The following SLC44A4 variants were observed in gnomAD, a reference collection of about 807,000 sequenced individuals.
SLC44A4 encodes solute carrier family 44 member 4, also known as choline transporter-like protein 4.
Under a neutral mutation model 97.0 loss-of-function variants are expected in SLC44A4, and 74 were observed. The observed-to-expected ratio is 0.76, with a 90% CI of 0.63 to 0.93. The LOEUF (loss-of-function observed/expected upper bound fraction) is 0.93, where lower values mean the gene tolerates loss of function less well. Among genes scored for constraint, SLC44A4 ranks in the 40% least tolerant of loss-of-function variants. The pLI, the probability that SLC44A4 is intolerant of heterozygous loss-of-function variation, is 0.00. For synonymous variants in SLC44A4, 325 were observed against 363.8 expected, an observed-to-expected ratio of 0.89 and a Z score of 1.21; for missense variants, 799 against 902.9, an observed-to-expected ratio of 0.88 and a Z score of 1.48.
In SLC44A4 at chr6:31,875,019, C is replaced by T. The variant is rs768859200; in HGVS notation, c.252G>A (p.Pro84=). 3.6e-5 allele frequency: 58 copies of T among 1,611,254 alleles called. No homozygotes were observed. Among genetic ancestry groups the T allele is most frequent in the Admixed American group, 2.2e-4 (13 of 59,984 alleles). The part of the protein sequence containing the change: ...YCGMGENKDK[P]YLLYFNIFSC... ...TGAAGATGTTGAAGTACAGGAGATA[C>T]GGCTTATCTCTGTGGGAGGGGAGGG... Residue 84 remains proline (P), a synonymous_variant, in exon 5 of 21, where the codon CCG becomes CCA. Coordinates refer to ENST00000229729, the MANE Select transcript of SLC44A4 (RefSeq NM_025257.3).
Position 31,865,454 on chromosome 6 carries a change from A to T in SLC44A4, c.1686+44T>A. ...CCTGGACCAGGATGGGGGTGTCTAGACCAAAGGGCACCAGAACAAAGGGTT... is the reference window on the plus strand; with the variant it reads ...CCTGGACCAGGATGGGGGTGTCTAGTCCAAAGGGCACCAGAACAAAGGGTT... On this transcript the variant is annotated intron_variant, in intron 16 of 20. Coordinates refer to ENST00000229729, the MANE Select transcript of SLC44A4 (RefSeq NM_025257.3). The surrounding 1 kb of genome is among the most constrained non-coding windows in gnomAD (Gnocchi z 5.2). 1.2e-6 allele frequency: 2 copies of T among 1,612,296 alleles called. No homozygotes were observed. Among genetic ancestry groups the T allele is most frequent in the South Asian group, 2.2e-5 (2 of 91,054 alleles).
chr6:31,865,753 G>C lies in SLC44A4; in HGVS notation c.1519C>G (p.Leu507Val), dbSNP rs1762825776. The change falls in exon 15 of 21, where the codon CTC (leucine) becomes GTC (valine). Residue 507 changes from leucine to valine, a missense_variant. Physicochemically the swap from Leu to Val is conservative, Grantham distance 32. Coordinates refer to ENST00000229729, the MANE Select transcript of SLC44A4 (RefSeq NM_025257.3). The surrounding 1 kb of genome is among the most constrained non-coding windows in gnomAD (Gnocchi z 5.2). ...YHTGSLAFGALILTLVQIARV... is the reference protein window; with the variant it reads ...YHTGSLAFGAVILTLVQIARV... ...GCTATCTGCACAAGGGTCAGGATGAGGGCTCCAAATGCCAATGACCCAGTG... is the reference window on the plus strand; with the variant it reads ...GCTATCTGCACAAGGGTCAGGATGACGGCTCCAAATGCCAATGACCCAGTG... The C allele has an allele frequency of 6.2e-7, 1 of 1,613,628 alleles. No individual in the cohort carries two copies. The highest frequency in any genetic ancestry group is 1.3e-5 in the African/African-American group (1 of 74,910).
intron 20 of SLC44A4, 165 bp downstream of exon 20, chr6:31,864,487 C>T: frequency 1.5e-6 from 1 of 655,030 alleles, no homozygotes; most frequent in Non-Finnish European, 2.6e-6. Flanking sequence ...TCTCTTCCTT[C>T]TTCCCTAAAC....
chr6:31,870,741 G>A (rs757238420), intron 10 of SLC44A4, 39 bp from the exon 11 acceptor site: 24 of 1,611,488 alleles, frequency 1.5e-5, no homozygotes, highest in Non-Finnish European at 1.9e-5. Flanking sequence ...GTCAGGGCCA[G>A]GGCTGGGGCC....
intron 20 of SLC44A4, 23 bp downstream of exon 20, chr6:31,864,629 A>AGTCC: frequency 6.2e-7 from 1 of 1,607,094 alleles, no homozygotes; most frequent in African/African-American, 1.3e-5. Flanking sequence ...GGTTGGGGAC[A>AGTCC]GGTGGCTGGG....
rs758266683 is a variant in SLC44A4 at position 31,865,598 on chromosome 6, A to G, written c.1586T>C (p.Val529Ala). The change falls in exon 16 of 21, where the codon GTG becomes GCG. Residue 529 changes from valine to alanine, a missense_variant. Val to Ala is a moderately conservative substitution (Grantham distance 64, BLOSUM62 0). Coordinates refer to ENST00000229729, the MANE Select transcript of SLC44A4 (RefSeq NM_025257.3). The surrounding 1 kb of genome is among the most constrained non-coding windows in gnomAD (Gnocchi z 5.2). ...LEYIDHKLRG[V>A]QNPVARCIMC... Reference sequence around the variant, plus strand: ...GATGCAGCGGGCTACAGGGTTCTGCACTCCTGGGAGCGAGGAAGGCTCATG... The same window carrying G: ...GATGCAGCGGGCTACAGGGTTCTGCGCTCCTGGGAGCGAGGAAGGCTCATG... The G allele has an allele frequency of 3.1e-6, 5 of 1,604,926 alleles. No individual in the cohort carries two copies. Among genetic ancestry groups the G allele is most frequent in the Non-Finnish European group, 3.4e-6 (4 of 1,173,362 alleles).
intron 11 of SLC44A4, among the ~76,000 whole-genome samples, chr6:31,870,061 G>A (rs1763076618): frequency 6.6e-6 from 1 of 152,206 alleles, no homozygotes; most frequent in Non-Finnish European, 1.5e-5. Context: ...GGGACCAACA[G>A]GGTTAGTGAC....
chr6:31,867,411 C>T (rs1762924489), intron 13 of SLC44A4, among the ~76,000 whole-genome samples: 1 of 152,022 alleles, frequency 6.6e-6, no homozygotes, highest in South Asian at 2.1e-4. Context: ...GTCTTTACTG[C>T]TAGATCACAA....
rs188958154 is a variant in SLC44A4, at chr6:31,871,838, G to A, written c.530-277C>T. 2.4e-4 allele frequency among the ~76,000 whole-genome samples: 36 copies of A among 152,194 alleles called. No individual in the cohort carries two copies. In the East Asian group the frequency reaches 5.2e-3, roughly 22 times the overall value. ...ACCCTTCCATCCACCCTCCACCCGA[G>A]TGGAGTGCCAGGGAGACCGTGGCAC... On this transcript the variant is annotated intron_variant, in intron 7 of 20. Transcript: ENST00000229729.
rs149893634 is a variant in SLC44A4 at position 31,871,485 on chromosome 6, C to A, written c.606G>T (p.Gln202His). 1.9e-6 allele frequency: 3 copies of A among 1,613,972 alleles called. No homozygotes were observed. The East Asian group carries it at 6.7e-5, about 36-fold the overall frequency. Residue 202 changes from glutamine (Q) to histidine (H), a missense_variant, in exon 8 of 21, where the codon CAG becomes CAT. By Grantham distance (24) the Gln-to-His change is conservative. This residue lies in a region of SLC44A4 where 409 missense variants were observed against 434.1 expected (regional missense o/e 0.94). Coordinates refer to ENST00000229729, the MANE Select transcript of SLC44A4 (RefSeq NM_025257.3). ...AGGGAGGTGCCTACCTGATCCCCTG[C>A]TGTATGGTGGTGTCATTGGTGATCC... is the stretch of plus-strand genomic sequence containing the variant. ...LPGITNDTTI[Q>H]QGISGLIDSL... is the part of the protein sequence containing the mutation.
intron 9 of SLC44A4, 31 bp downstream of exon 9, chr6:31,871,283 G>A: frequency 6.3e-7 from 1 of 1,593,542 alleles, no homozygotes; most frequent in Non-Finnish European, 8.6e-7. Context: ...AGAAGGCAAG[G>A]ACACAAGAGG....
At position 31,878,488 on chromosome 6, in the gene SLC44A4, G is replaced by A. The variant is rs1436781866; in HGVS notation, c.40+453C>T. 2.0e-5 allele frequency among the ~76,000 whole-genome samples: 3 copies of A among 152,072 alleles called. No individual in the cohort carries two copies. The highest frequency in any genetic ancestry group is 4.4e-5 in the Non-Finnish European group (3 of 67,988). ...AGCAGCTTTCGCCCTCAGAGACCCA[G>A]ACTCCAGGCTGAACCTCCTCCTCCT... On this transcript the variant is annotated intron_variant, in intron 1 of 20. Coordinates refer to ENST00000229729, the MANE Select transcript of SLC44A4 (RefSeq NM_025257.3). The surrounding 1 kb of genome is among the most constrained non-coding windows in gnomAD (Gnocchi z 4.0).
At position 31,869,245 on chromosome 6, in the gene SLC44A4, T is replaced by G. The variant is rs1211587426; in HGVS notation, c.1143A>C (p.Thr381=). ...YWAMTALYLA[T]SGQPQYVLWA... ...AGAGCACATACTGGGGTTGCCCCGA[T>G]GTAGCCAGGTACCCAGAGGGGAGTC... Residue 381 remains threonine, a synonymous_variant, in exon 13 of 21, where the codon ACA becomes ACC. Transcript: ENST00000229729. 6.2e-7 allele frequency: 1 copy of G among 1,607,228 alleles called. No individual in the cohort carries two copies. The highest frequency in any genetic ancestry group is 1.1e-5 in the South Asian group (1 of 90,014).
At position 31,877,656 on chromosome 6, in the gene SLC44A4, C is replaced by T. The variant is rs1763515957; in HGVS notation, c.41-574G>A. On this transcript the variant is annotated intron_variant, in intron 1 of 20. Coordinates refer to ENST00000229729, the MANE Select transcript of SLC44A4 (RefSeq NM_025257.3). The surrounding 1 kb of genome is among the most constrained non-coding windows in gnomAD (Gnocchi z 6.5). ...GGAAGCGGCCCTGTACATCCTCACT[C>T]TGGTGGGACCTCAGTCCCCTGGCCA... 5.1e-6 allele frequency: 5 copies of T among 985,786 alleles called. No individual in the cohort carries two copies. The highest frequency in any genetic ancestry group is 6.0e-6 in the Non-Finnish European group (5 of 830,070). The allele number at this position is 985,786 out of a possible 1,614,324, so 61.1% of individuals were successfully genotyped here. A position where few individuals can be genotyped will look rare whatever the true frequency, so the allele number is the denominator to read the frequency against.
rs766369640 is a variant in SLC44A4 at position 31,878,928 on chromosome 6, G to A, written c.40+13C>T. 3.0e-5 allele frequency: 48 copies of A among 1,613,442 alleles called. No homozygotes were observed. Among genetic ancestry groups the A allele is most frequent in the East Asian group, 4.5e-5 (2 of 44,868 alleles). The stretch of plus-strand genomic sequence containing the variant: ...CTCCCTCCACAGGGTCCCGGGCCTC[G>A]CCCCAGTCTCACCGTAGGCCTCGTC... On this transcript the variant is annotated intron_variant, in intron 1 of 20. Transcript: ENST00000229729. The surrounding 1 kb of genome is among the most constrained non-coding windows in gnomAD (Gnocchi z 4.0).
chr6:31,870,752 G>A (rs986315287), intron 10 of SLC44A4, 50 bp from the exon 11 acceptor site: 4 of 1,611,232 alleles, frequency 2.5e-6, no homozygotes, highest in Non-Finnish European at 2.5e-6. Flanking sequence ...GGCTGGGGCC[G>A]GGCATGGCCC....
chr6:31,865,292 A>G lies in SLC44A4; in HGVS notation c.1760+23T>C. 6.2e-7 allele frequency: 1 copy of G among 1,613,714 alleles called. No homozygotes were observed. The highest frequency in any genetic ancestry group is 1.1e-5 in the South Asian group (1 of 91,080). On this transcript the variant is annotated intron_variant, in intron 17 of 20. Transcript: ENST00000229729. The surrounding 1 kb of genome is among the most constrained non-coding windows in gnomAD (Gnocchi z 5.2). ...TGGGAGATCAGAGGAGGGAGCCACA[A>G]AGCGGGGGGGGAGCAGCCTAACCTG...
At position 31,875,838 on chromosome 6, in the gene SLC44A4, G is replaced by A. The variant is rs768786299; in HGVS notation, c.242+14C>T. The A allele has an allele frequency of 1.3e-5, 20 of 1,595,516 alleles. No individual in the cohort carries two copies. Among genetic ancestry groups the A allele is most frequent in the African/African-American group, 1.1e-4 (8 of 74,562 alleles). On this transcript the variant is annotated intron_variant, in intron 4 of 20. Coordinates refer to ENST00000229729, the MANE Select transcript of SLC44A4 (RefSeq NM_025257.3). The stretch of plus-strand genomic sequence containing the variant: ...GCCTCGCTCCTGCACTCCTCTTCTC[G>A]CCTTTGTACTCACTTGTTCTCCCCC...
chr6:31,863,944 G>T lies in SLC44A4; in HGVS notation c.2012-196C>A, dbSNP rs9461727. On this transcript the variant is annotated intron_variant, in intron 20 of 20. Transcript: ENST00000229729. The stretch of plus-strand genomic sequence containing the variant: ...GCATAGAGCGATGATAAGAATTAGC[G>T]GAAAAAATGCATGTCAGTCGCTTAG... 5.9e-3 allele frequency among the ~76,000 whole-genome samples: 905 copies of T among 152,156 alleles called. 3 individuals carry two copies. Among genetic ancestry groups the T allele is most frequent in the East Asian group, 0.017 (90 of 5,176 alleles).
Sources: allele counts gnomAD v4.1 joint callset (sites outside exome capture counted in the v4.1 genomes callset), GRCh38; gene constraint gnomAD v4.1.1; regional missense constraint gnomAD v4.1.1; non-coding constraint Gnocchi (gnomAD v3.1); transcripts MANE v1.5; gene names NCBI Gene and HGNC (gene_info 2026-07-23, HGNC 2026-07-21).